The following CDK5RAP1 variants were observed in gnomAD, a reference collection of about 807,000 sequenced individuals.
CDK5RAP1 encodes the protein CDK5RAP1 mitochondrial tRNA methylthiotransferase, also known as mitochondrial tRNA methylthiotransferase CDK5RAP1.
In CDK5RAP1, 62 loss-of-function variants were observed where a neutral mutation model predicts 64.5. The observed-to-expected ratio is 0.96, with a 90% CI of 0.78 to 1.19. The LOEUF is 1.19. Ranked by LOEUF, CDK5RAP1 falls within the 50% of genes most tolerant of loss-of-function variation. CDK5RAP1 has a pLI of 0.00. For missense variants in CDK5RAP1, 657 were observed against 735.0 expected (o/e 0.89, Z 1.23); for synonymous variants, 250 against 261.9 (o/e 0.95, Z 0.44).
At chr20:33,390,683 T>C (rs1988210354) in intron 5 of CDK5RAP1, among the ~76,000 whole-genome samples, 1 of 152,178 alleles carries the variant, frequency 6.6e-6, no homozygotes. Flanking sequence ...TTATTAGATA[T>C]ACACCCTGAG....
intron 9 of CDK5RAP1, 181 bp from the exon 10 acceptor site, chr20:33,372,878 T>C: frequency 2.4e-6 from 1 of 412,890 alleles, no homozygotes; most frequent in East Asian, 3.8e-5. Context: ...TCTAATCTAA[T>C]CTAGAGCCTA....
At chr20:33,375,084 T>C (rs1391077792) in intron 8 of CDK5RAP1, among the ~76,000 whole-genome samples, 1 of 149,672 alleles carries the variant, frequency 6.7e-6, no homozygotes, top group Non-Finnish European at 1.5e-5. Flanking sequence ...TTTGAAAACA[T>C]ATTGACAAAG....
chr20:33,365,624 A>G (rs1030730484), intron 12 of CDK5RAP1, among the ~76,000 whole-genome samples: 4 of 122,166 alleles, frequency 3.3e-5, no homozygotes, highest in Admixed American at 8.4e-5. Context: ...AAAAAAAAAA[A>G]GGGCAGGGTG....
At chr20:33,385,426 C>A (rs1413909068) in intron 7 of CDK5RAP1, among the ~76,000 whole-genome samples, 1 of 152,212 alleles carries the variant, frequency 6.6e-6, no homozygotes, top group African/African-American at 2.4e-5. Flanking sequence ...CACTCCATCA[C>A]CTGACTGTAA....
chr20:33,369,047 G>A (rs1984542267), intron 11 of CDK5RAP1, among the ~76,000 whole-genome samples: 1 of 152,054 alleles, frequency 6.6e-6, no homozygotes, highest in Non-Finnish European at 1.5e-5. Flanking sequence ...GGCTGAGGCA[G>A]GAGGATTGCT....
intron 1 of CDK5RAP1, among the ~76,000 whole-genome samples, chr20:33,398,212 T>C (rs1319008214): frequency 6.6e-6 from 1 of 151,924 alleles, no homozygotes; most frequent in Non-Finnish European, 1.5e-5. Context: ...AGACATTCAG[T>C]CTAGGCACAG....
chr20:33,360,320 T>C lies in CDK5RAP1; in HGVS notation c.1683+31A>G, dbSNP rs368981818. On this transcript the variant is annotated intron_variant, in intron 13 of 13. Transcript: ENST00000346416. ...ATCCAAACCAACACTCATTTCACAG[T>C]GCAAGCCAAAAGCCCAAAAGGACTC... 87 of 1,607,436 alleles carry C rather than the reference T, an allele frequency of 5.4e-5. No homozygotes were observed. The African/African-American group carries it at 9.8e-4, about 18-fold the overall frequency.
At chr20:33,399,091 A>G (rs1989159845) in intron 1 of CDK5RAP1, among the ~76,000 whole-genome samples, 1 of 152,108 alleles carries the variant, frequency 6.6e-6, no homozygotes, top group South Asian at 2.1e-4. Flanking sequence ...TCTAGAATGC[A>G]TAAGAAACAA....
At chr20:33,372,567 T>G in intron 10 of CDK5RAP1, 75 bp downstream of exon 10, 1 of 654,538 alleles carries the variant, frequency 1.5e-6, no homozygotes, top group Non-Finnish European at 2.5e-6. Flanking sequence ...ATGCCAAAGG[T>G]GTTGACTGTA....
At chr20:33,383,313 A>T (rs1261421646) in intron 7 of CDK5RAP1, among the ~76,000 whole-genome samples, 1 of 152,092 alleles carries the variant, frequency 6.6e-6, no homozygotes, top group African/African-American at 2.4e-5. Flanking sequence ...TCAATAAGAA[A>T]AAAATAAATG....
chr20:33,362,109 G>T (rs533969926), intron 12 of CDK5RAP1, among the ~76,000 whole-genome samples: 7 of 152,088 alleles, frequency 4.6e-5, no homozygotes, highest in African/African-American at 1.7e-4. Context: ...AAAATCTGAA[G>T]AGTAACAGGT....
At chr20:33,373,767 G>A (rs1985503783) in intron 9 of CDK5RAP1, 1 of 227,806 alleles carries the variant, frequency 4.4e-6, no homozygotes, top group South Asian at 1.5e-4. Context: ...ACTAAACAGT[G>A]AAAATGGATG....
chr20:33,377,867 A>G (rs113653722), intron 8 of CDK5RAP1, among the ~76,000 whole-genome samples: 3,265 of 152,206 alleles, frequency 0.021, 108 homozygotes, highest in African/African-American at 0.073. Flanking sequence ...GGCCAGGCTG[A>G]TCTAGAACTC....
chr20:33,385,838 C>T, intron 6 of CDK5RAP1, 68 bp from the exon 7 acceptor site: 1 of 1,454,576 alleles, frequency 6.9e-7, no homozygotes, highest in Non-Finnish European at 9.3e-7. Flanking sequence ...AGGAGCAGGA[C>T]TCAGCTTCAA....
chr20:33,388,594 C>G (rs1987800481), intron 5 of CDK5RAP1, among the ~76,000 whole-genome samples: 2 of 134,338 alleles, frequency 1.5e-5, no homozygotes, highest in African/African-American at 5.5e-5. Context: ...CTCTCCTTCT[C>G]CCTCTCCCCA....
In CDK5RAP1 at chr20:33,359,092, C is replaced by A. The variant is rs770611478; in HGVS notation, c.1715G>T (p.Gly572Val). Residue 572 changes from glycine to valine, a missense_variant, in exon 14 of 14, where the codon GGA (glycine) becomes GTA (valine). Transcript: ENST00000346416. ...ITSASSQTLR[G>V]HVLCRTTLRD... ...CAGAGTGGTCCTGCAGAGAACATGT[C>A]CCCTAAGTGTCTGAGAACTGGCTGA... The A allele has an allele frequency of 6.2e-7, 1 of 1,613,922 alleles. No homozygotes were observed. The highest frequency in any genetic ancestry group is 1.7e-5 in the Admixed American group (1 of 60,002).
intron 10 of CDK5RAP1, among the ~76,000 whole-genome samples, chr20:33,371,202 A>G (rs1214326021): frequency 6.6e-6 from 1 of 152,126 alleles, no homozygotes; most frequent in African/African-American, 2.4e-5. Flanking sequence ...CTGAGGTGGG[A>G]GGATCACCTG....
rs201949576 is a variant in CDK5RAP1 at position 33,360,378 on chromosome 20, G to A, written c.1656C>T (p.Ala552=). 1.4e-5 allele frequency: 22 copies of A among 1,614,078 alleles called. 1 individual carries two copies. In the East Asian group the frequency reaches 2.9e-4, roughly 21 times the overall value. The change falls in exon 13 of 14, where the codon GCC becomes GCT. Residue 552 remains alanine (A), a synonymous_variant. Transcript: ENST00000346416. ...DVNNPGLRVR[A]QPGDYVLVKI... ...TCACCAGCACATAGTCCCCAGGCTG[G>A]GCTCTGACCCTGAGCCCAGGGTTAT...
chr20:33,386,063 GTTTT>G (rs1435061760), intron 6 of CDK5RAP1, among the ~76,000 whole-genome samples: 4 of 152,090 alleles, frequency 2.6e-5, no homozygotes, highest in Non-Finnish European at 5.9e-5. Context: ...ACTTTCTACT[GTTTT>G]TTTGTTTTGT....
Sources: gnomAD v4.1 joint callset for allele counts (sites outside exome capture counted in the v4.1 genomes callset) on GRCh38, gnomAD v4.1.1 for gene constraint, MANE v1.5 for transcripts, NCBI Gene and HGNC (gene_info 2026-07-23, HGNC 2026-07-21) for gene names.